The following SIPA1L2 variants were observed in gnomAD, a reference collection of about 807,000 sequenced individuals.
SIPA1L2 encodes signal-induced proliferation-associated 1-like protein 2.
A neutral mutation model predicts 163.9 loss-of-function variants in SIPA1L2; 56 were observed. The ratio of observed to expected loss-of-function variants is 0.34; its 90% CI spans 0.28 to 0.43. The LOEUF (loss-of-function observed/expected upper bound fraction) is 0.43, where lower values mean the gene tolerates loss of function less well. Among genes scored for constraint, SIPA1L2 ranks in the 20% least tolerant of loss-of-function variants. SIPA1L2 has a pLI of 1.00. For synonymous variants in SIPA1L2, 877 were observed against 865.7 expected, an observed-to-expected ratio of 1.01 and a Z score of -0.23; for missense variants, 1,974 against 2,193.5, an observed-to-expected ratio of 0.90 and a Z score of 2.00.
chr1:232,605,494 A>G (rs987405121), intron 1 of SIPA1L2, among the ~76,000 whole-genome samples: 3 of 152,220 alleles, frequency 2.0e-5, no homozygotes, highest in African/African-American at 7.2e-5. Flanking sequence ...CAGGAATTCA[A>G]CACAAGCCTG....
rs1343315742 is a variant in SIPA1L2, at chr1:232,471,491, G to C, written c.2123C>G (p.Thr708Ser). The change falls in exon 8 of 23, where the codon ACC becomes AGC. Residue 708 changes from threonine to serine, a missense_variant. By Grantham distance (58) the Thr-to-Ser change is moderately conservative (BLOSUM62 1). This residue lies in a region of SIPA1L2 where 288 missense variants were observed against 418.9 expected (regional missense o/e 0.69). Coordinates refer to ENST00000674635, the MANE Select transcript of SIPA1L2 (RefSeq NM_020808.5). The stretch of plus-strand genomic sequence containing the variant: ...TGCCCCAGGCTCCTGGAAGACGATG[G>C]TGACGATGTCATTTCCTATGTGCCT... ...RKRHIGNDIVTIVFQEPGALP... is the reference protein window; with the variant it reads ...RKRHIGNDIVSIVFQEPGALP... 6.2e-7 allele frequency: 1 copy of C among 1,613,886 alleles called. No individual in the cohort carries two copies. Among genetic ancestry groups the C allele is most frequent in the African/African-American group, 1.3e-5 (1 of 74,908 alleles).
At chr1:232,468,625 T>A (rs1335037151) in intron 8 of SIPA1L2, among the ~76,000 whole-genome samples, 5 of 152,244 alleles carry the variant, frequency 3.3e-5, no homozygotes, top group Non-Finnish European at 7.3e-5. Context: ...CTATCATAGT[T>A]GTTGTGTTAA....
chr1:232,547,403 G>C (rs1035439893), intron 2 of SIPA1L2, among the ~76,000 whole-genome samples: 2 of 151,384 alleles, frequency 1.3e-5, no homozygotes, highest in South Asian at 2.1e-4. Context: ...TGGTCTCGGT[G>C]TAACAATCAG....
intron 7 of SIPA1L2, among the ~76,000 whole-genome samples, chr1:232,472,568 G>A (rs1431705160): frequency 1.3e-5 from 2 of 152,150 alleles, no homozygotes; most frequent in East Asian, 1.9e-4. Flanking sequence ...AAAGGCACTC[G>A]GTAAGCTTAT....
intron 10 of SIPA1L2, among the ~76,000 whole-genome samples, chr1:232,448,918 T>G (rs914843346): frequency 6.6e-6 from 1 of 151,908 alleles, no homozygotes; most frequent in Admixed American, 6.6e-5. Flanking sequence ...GTCAAGGGCG[T>G]GAGGTGCAGA....
chr1:232,488,764 G>T (rs190057436), intron 5 of SIPA1L2, among the ~76,000 whole-genome samples: 228 of 152,254 alleles, frequency 1.5e-3, no homozygotes, highest in South Asian at 1.2e-3. Context: ...GAACTGCCTC[G>T]GATAGCTTCT....
chr1:232,504,236 A>C (rs950286187), intron 3 of SIPA1L2, among the ~76,000 whole-genome samples: 1 of 150,918 alleles, frequency 6.6e-6, no homozygotes, highest in Non-Finnish European at 1.5e-5. Flanking sequence ...AACAACAAAA[A>C]ACCACAAGAG....
intron 1 of SIPA1L2, among the ~76,000 whole-genome samples, chr1:232,626,595 T>A (rs1483163947): frequency 6.6e-6 from 1 of 152,192 alleles, no homozygotes; most frequent in Non-Finnish European, 1.5e-5. Flanking sequence ...TACCACATTG[T>A]TACCACACTT....
At chr1:232,498,754 CTGTGA>C (rs1666323255) in intron 3 of SIPA1L2, among the ~76,000 whole-genome samples, 1 of 152,120 alleles carries the variant, frequency 6.6e-6, no homozygotes, top group Non-Finnish European at 1.5e-5. Context: ...ATAAGGACAC[CTGTGA>C]TTGCATTTAG....
chr1:232,474,285 G>C (rs1358079516), intron 7 of SIPA1L2, among the ~76,000 whole-genome samples: 1 of 152,160 alleles, frequency 6.6e-6, no homozygotes, highest in Non-Finnish European at 1.5e-5. Flanking sequence ...TATTGTATTA[G>C]ATAGATTTAC....
intron 16 of SIPA1L2, among the ~76,000 whole-genome samples, chr1:232,429,091 G>A (rs114677316): frequency 0.019 from 2,944 of 152,238 alleles, 93 homozygotes; most frequent in African/African-American, 0.067. Context: ...TAAAGCAGCC[G>A]TCTCCCTTAA....
At chr1:232,525,914 A>C (rs747137151) in intron 2 of SIPA1L2, among the ~76,000 whole-genome samples, 13 of 152,324 alleles carry the variant, frequency 8.5e-5, no homozygotes, top group African/African-American at 2.9e-4. Flanking sequence ...ACTCCCGTGC[A>C]TATGTCCAGT....
intron 10 of SIPA1L2, among the ~76,000 whole-genome samples, chr1:232,449,868 G>T (rs1342417338): frequency 6.6e-6 from 1 of 152,198 alleles, no homozygotes; most frequent in African/African-American, 2.4e-5. Flanking sequence ...AACAATACTA[G>T]AAGGTACAAA....
chr1:232,471,446 C>T lies in SIPA1L2; in HGVS notation c.2168G>A (p.Ser723Asn), dbSNP rs1202977246. ...EPGALPFTPKSIRSHFQHVFV... is the reference protein window; with the variant it reads ...EPGALPFTPKNIRSHFQHVFV... ...GACATGCTGAAAGTGAGACCGGATG[C>T]TTTTTGGAGTAAAAGGAAGTGCCCC... The change falls in exon 8 of 23, where the codon AGC (serine) becomes AAC (asparagine). Residue 723 changes from serine to asparagine, a missense_variant. By Grantham distance (46) the Ser-to-Asn change is conservative. Around this residue, in one of 3 missense-constraint regions of SIPA1L2, gnomAD observed 288 missense variants for 418.9 expected, o/e 0.69. Coordinates refer to ENST00000674635, the MANE Select transcript of SIPA1L2 (RefSeq NM_020808.5). 7 of 1,614,060 alleles carry T rather than the reference C, an allele frequency of 4.3e-6. No individual in the cohort carries two copies. In the Admixed American group the frequency reaches 8.3e-5, roughly 19 times the overall value.
intron 2 of SIPA1L2, among the ~76,000 whole-genome samples, chr1:232,524,091 G>C (rs1034450518): frequency 1.3e-5 from 2 of 152,144 alleles, no homozygotes; most frequent in African/African-American, 4.8e-5. Flanking sequence ...TTGCTGAACA[G>C]TTTTATGTGG....
chr1:232,429,882 C>G (rs1186436167), intron 16 of SIPA1L2, among the ~76,000 whole-genome samples: 1 of 152,186 alleles, frequency 6.6e-6, no homozygotes, highest in African/African-American at 2.4e-5. Flanking sequence ...GGAAAAATCC[C>G]AGGTCCTACC....
rs373207397 is a variant in SIPA1L2, at chr1:232,514,379, G to A, written c.961C>T (p.Arg321Cys). 1.6e-4 allele frequency: 260 copies of A among 1,613,664 alleles called. No homozygotes were observed. Among genetic ancestry groups the A allele is most frequent in the Non-Finnish European group, 2.1e-4 (253 of 1,180,044 alleles). Reference sequence around the variant, plus strand: ...AAACATCGCTGACAATTCCAAGGGCGAATGCCCCTCTCCAGTCGGCTCTCC... The same window carrying A: ...AAACATCGCTGACAATTCCAAGGGCAAATGCCCCTCTCCAGTCGGCTCTCC... ...LEESRLERGIRPWNCQRCFAH... is the reference protein window; with the variant it reads ...LEESRLERGICPWNCQRCFAH... Residue 321 changes from arginine (R) to cysteine (C), a missense_variant, in exon 3 of 23, where the codon CGC becomes TGC. Physicochemically the swap from Arg to Cys is radical, Grantham distance 180. This residue lies in a region of SIPA1L2 where 607 missense variants were observed against 624.0 expected (regional missense o/e 0.97). Coordinates refer to ENST00000674635, the MANE Select transcript of SIPA1L2 (RefSeq NM_020808.5).
intron 1 of SIPA1L2, among the ~76,000 whole-genome samples, chr1:232,588,751 C>G (rs1660806787): frequency 6.6e-6 from 1 of 152,132 alleles, no homozygotes; most frequent in African/African-American, 2.4e-5. Context: ...AATGCAGATG[C>G]AAGGCAAGAA....
intron 19 of SIPA1L2, among the ~76,000 whole-genome samples, chr1:232,411,737 A>G (rs567020083): frequency 6.6e-6 from 1 of 152,096 alleles, no homozygotes; most frequent in Non-Finnish European, 1.5e-5. Flanking sequence ...TTTTCTTTAA[A>G]AGCTACCCTC....
Sources: allele counts gnomAD v4.1 joint callset (sites outside exome capture counted in the v4.1 genomes callset), GRCh38; gene constraint gnomAD v4.1.1; regional missense constraint gnomAD v4.1.1; transcripts MANE v1.5; gene names NCBI Gene and HGNC (gene_info 2026-07-23, HGNC 2026-07-21).